The following SUZ12 variants were observed in gnomAD, a reference collection of about 807,000 sequenced individuals.
SUZ12 encodes SUZ12 polycomb repressive complex 2 subunit.
Under a neutral mutation model 87.3 loss-of-function variants are expected in SUZ12, and 17 were observed. That is an observed-to-expected ratio of 0.19 (90% CI 0.13 to 0.29). SUZ12 has a LOEUF of 0.29. SUZ12 is among the 10% of genes least tolerant of loss of function. SUZ12 has a pLI of 1.00. For missense variants in SUZ12, 526 were observed against 912.2 expected, an observed-to-expected ratio of 0.58 and a Z score of 5.45; for synonymous variants, 253 against 312.4, an observed-to-expected ratio of 0.81 and a Z score of 2.01.
chr17:31,956,090 T>G (rs1907316161), intron 4 of SUZ12, among the ~76,000 whole-genome samples: 1 of 151,778 alleles, frequency 6.6e-6, no homozygotes, highest in South Asian at 2.1e-4. Context: ...TTTTTTGTAT[T>G]TTTTAGTAGA....
At chr17:31,994,788 A>T in intron 13 of SUZ12, 67 bp downstream of exon 13, 5 of 1,522,102 alleles carry the variant, frequency 3.3e-6, no homozygotes, top group Non-Finnish European at 4.4e-6. Context: ...GGAACAAAGG[A>T]GCCAGATGAA....
intron 4 of SUZ12, among the ~76,000 whole-genome samples, chr17:31,958,182 G>A (rs1244699569): frequency 1.3e-5 from 2 of 152,044 alleles, no homozygotes; most frequent in East Asian, 1.9e-4. Context: ...GATTGCAGGC[G>A]TGAGCCACCG....
intron 4 of SUZ12, among the ~76,000 whole-genome samples, chr17:31,964,748 T>TA (rs1907987858): frequency 6.6e-6 from 1 of 152,132 alleles, no homozygotes; most frequent in Non-Finnish European, 1.5e-5. Context: ...CCTACTTCAC[T>TA]AAGTAGATGG....
rs71375492 is a variant in SUZ12 at position 31,989,603 on chromosome 17, T to C, written c.1201+1106T>C. Among the ~76,000 whole-genome samples, 332 of 151,858 alleles carry C rather than the reference T, an allele frequency of 2.2e-3. 1 individual carries two copies. The highest frequency in any genetic ancestry group is 7.3e-3 in the African/African-American group (302 of 41,378). ...AAGTTGTTTTTTTTTGTTTTTTTTG[T>C]TTTTTTGTTTTTTGAGACGAAGTCT... On this transcript the variant is annotated intron_variant, in intron 10 of 15. Coordinates refer to ENST00000322652, the MANE Select transcript of SUZ12 (RefSeq NM_015355.4).
chr17:31,974,219 A>G (rs1908605000), intron 6 of SUZ12, among the ~76,000 whole-genome samples: 1 of 152,038 alleles, frequency 6.6e-6, no homozygotes, highest in African/African-American at 2.4e-5. Flanking sequence ...AGAAAAAAAA[A>G]AAATGTATGT....
intron 4 of SUZ12, among the ~76,000 whole-genome samples, chr17:31,958,462 C>T (rs1354836171): frequency 6.6e-6 from 1 of 152,150 alleles, no homozygotes; most frequent in Non-Finnish European, 1.5e-5. Context: ...TGTATCCCAG[C>T]ACTTTGGGAG....
chr17:31,954,670 G>T (rs570228955), intron 4 of SUZ12, among the ~76,000 whole-genome samples: 107 of 152,244 alleles, frequency 7.0e-4, no homozygotes, highest in African/African-American at 2.4e-3. Flanking sequence ...TATAAAACAG[G>T]AGAACCAGCT....
intron 14 of SUZ12, among the ~76,000 whole-genome samples, chr17:31,996,094 C>T (rs1023469353): frequency 2.0e-5 from 3 of 152,128 alleles, no homozygotes; most frequent in Non-Finnish European, 4.4e-5. Context: ...CTTGTAGTCC[C>T]AGCTATTCAG....
At chr17:31,950,520 C>CA (rs1423535440) in intron 4 of SUZ12, among the ~76,000 whole-genome samples, 3 of 151,850 alleles carry the variant, frequency 2.0e-5, no homozygotes, top group Non-Finnish European at 4.4e-5. Flanking sequence ...CCTTTCTCTA[C>CA]AAAAAACACA....
intron 4 of SUZ12, among the ~76,000 whole-genome samples, chr17:31,962,561 A>AG (rs1208222474): frequency 8.6e-6 from 1 of 116,190 alleles, no homozygotes; most frequent in East Asian, 2.6e-4. Flanking sequence ...ACTGTATACC[A>AG]GTCTGGGTGA....
rs2142112530 is a variant in SUZ12 at position 31,937,231 on chromosome 17, G to A, written c.-16G>A. The A allele has an allele frequency of 5.7e-6, 8 of 1,400,694 alleles. No homozygotes were observed. The East Asian group carries it at 1.2e-4, about 21-fold the overall frequency. 86.8% of individuals were successfully genotyped at this position (1,400,694 alleles called of 1,614,324 possible). A position where few individuals can be genotyped will look rare whatever the true frequency, so the allele number is the denominator to read the frequency against. On this transcript the variant is annotated 5_prime_UTR_variant, in exon 1 of 16. Coordinates refer to ENST00000322652, the MANE Select transcript of SUZ12 (RefSeq NM_015355.4). ...GCCCGGCGGGTAGCTGGCGGGGGGA[G>A]GAGGCAGGAACCGCGATGGCGCCTC...
Position 32,000,682 on chromosome 17 carries a change from A to AT in SUZ12, c.*1681dup. On this transcript the variant is annotated 3_prime_UTR_variant, in exon 16 of 16. Transcript: ENST00000322652. The stretch of plus-strand genomic sequence containing the variant: ...TTAGGGGAGATGTAGGTGTAGAATT[A>AT]TTGCTTATGTCATTTCTTAAGCAGT... 1 of 231,030 alleles carries AT rather than the reference A, an allele frequency of 4.3e-6. No homozygotes were observed. Among genetic ancestry groups the AT allele is most frequent in the African/African-American group, 2.2e-5 (1 of 45,270 alleles). The allele number at this position is 231,030 out of a possible 1,614,324, so 14.3% of individuals were successfully genotyped here. A position where few individuals can be genotyped will look rare whatever the true frequency, so the allele number is the denominator to read the frequency against.
intron 8 of SUZ12, among the ~76,000 whole-genome samples, chr17:31,977,426 C>T (rs539887010): frequency 3.7e-4 from 56 of 152,120 alleles, no homozygotes; most frequent in African/African-American, 1.3e-3. Flanking sequence ...ACTACAGGTG[C>T]GTGCCACCAC....
chr17:31,967,513 TG>T, intron 5 of SUZ12: 1 of 151,772 alleles, frequency 6.6e-6, no homozygotes, highest in Non-Finnish European at 1.5e-5. Flanking sequence ...CTGGGTGTCG[TG>T]GTGCACACCT....
chr17:31,961,613 CTG>C (rs1314474173), intron 4 of SUZ12, among the ~76,000 whole-genome samples: 1 of 152,214 alleles, frequency 6.6e-6, no homozygotes, highest in Non-Finnish European at 1.5e-5. Flanking sequence ...CCATTTAAAA[CTG>C]TCTCAAATCA....
intron 10 of SUZ12, among the ~76,000 whole-genome samples, chr17:31,990,514 A>G (rs1278263954): frequency 6.6e-6 from 1 of 151,702 alleles, no homozygotes; most frequent in African/African-American, 2.4e-5. Context: ...CAGGCACACA[A>G]CCACTAGGCC....
At chr17:31,943,369 T>A (rs1906420245) in intron 3 of SUZ12, among the ~76,000 whole-genome samples, 1 of 152,206 alleles carries the variant, frequency 6.6e-6, no homozygotes. Flanking sequence ...TACAGTTTTT[T>A]AAAATTTCAG....
intron 4 of SUZ12, among the ~76,000 whole-genome samples, chr17:31,952,022 A>G (rs569467522): frequency 5.0e-4 from 76 of 150,598 alleles, no homozygotes; most frequent in African/African-American, 1.7e-3. Flanking sequence ...TGATCCTTCC[A>G]CCTTGGCCTC....
In SUZ12 at chr17:31,937,184, C is replaced by A; in HGVS notation, c.-63C>A. On this transcript the variant is annotated 5_prime_UTR_variant, in exon 1 of 16. Coordinates refer to ENST00000322652, the MANE Select transcript of SUZ12 (RefSeq NM_015355.4). ...CTGCTGGGGCGAGCGGTTGGTATTG[C>A]AGGCGCTTGCTCTCCGGGGCCGCCC... is the stretch of plus-strand genomic sequence containing the variant. 7.4e-7 allele frequency: 1 copy of A among 1,357,122 alleles called. No homozygotes were observed. The highest frequency in any genetic ancestry group is 9.5e-7 in the Non-Finnish European group (1 of 1,056,850). The allele number at this position is 1,357,122 out of a possible 1,614,324, so 84.1% of individuals were successfully genotyped here. A position where few individuals can be genotyped will look rare whatever the true frequency, so the allele number is the denominator to read the frequency against.
Sources: gnomAD v4.1 joint callset for allele counts (sites outside exome capture counted in the v4.1 genomes callset) on GRCh38, gnomAD v4.1.1 for gene constraint, MANE v1.5 for transcripts, NCBI Gene and HGNC (gene_info 2026-07-23, HGNC 2026-07-21) for gene names.